The following ASIC2 variants were observed in gnomAD, a reference collection of about 807,000 sequenced individuals.
The protein encoded by ASIC2 is acid-sensing ion channel 2.
In ASIC2, 25 loss-of-function variants were observed where a neutral mutation model predicts 57.3. That is an observed-to-expected ratio of 0.44 (90% confidence interval 0.32 to 0.61). The LOEUF (loss-of-function observed/expected upper bound fraction) is 0.61, where lower values mean the gene tolerates loss of function less well. Ranked by LOEUF, ASIC2 falls within the 20% of genes least tolerant of loss-of-function variation. ASIC2 has a pLI of 0.06. For missense variants in ASIC2, 641 were observed against 738.1 expected, an observed-to-expected ratio of 0.87 and a Z score of 1.52; for synonymous variants, 319 against 307.5, an observed-to-expected ratio of 1.04 and a Z score of -0.39.
At chr17:33,363,866 T>G (rs1908706586) in intron 1 of ASIC2, among the ~76,000 whole-genome samples, 1 of 152,152 alleles carries the variant, frequency 6.6e-6, no homozygotes, top group South Asian at 2.1e-4. Context: ...ACTCCCTCCC[T>G]CCTCTCACCC....
intron 1 of ASIC2, among the ~76,000 whole-genome samples, chr17:33,585,565 G>C (rs1904596616): frequency 2.0e-5 from 3 of 152,198 alleles, no homozygotes; most frequent in Admixed American, 2.0e-4. Flanking sequence ...AGCAGGGAGA[G>C]TGAGGCACCT....
chr17:34,014,675 G>A (rs138168966), intron 1 of ASIC2, among the ~76,000 whole-genome samples: 4 of 152,242 alleles, frequency 2.6e-5, no homozygotes, highest in Non-Finnish European at 5.9e-5. Context: ...CTGCCAATCT[G>A]GTCCAGACCT....
chr17:33,710,243 G>C (rs1016785399), intron 1 of ASIC2, among the ~76,000 whole-genome samples: 1 of 152,090 alleles, frequency 6.6e-6, no homozygotes, highest in Non-Finnish European at 1.5e-5. Flanking sequence ...TCCCACCACA[G>C]GTAAAGAAGC....
At chr17:33,115,783 G>A (rs1206428823) in intron 1 of ASIC2, among the ~76,000 whole-genome samples, 1 of 152,212 alleles carries the variant, frequency 6.6e-6, no homozygotes, top group Non-Finnish European at 1.5e-5. Flanking sequence ...TTTGTTGGAT[G>A]TGTTTTCTAC....
intron 1 of ASIC2, among the ~76,000 whole-genome samples, chr17:33,361,604 C>T (rs931702316): frequency 2.0e-5 from 3 of 152,134 alleles, no homozygotes; most frequent in Non-Finnish European, 2.9e-5. Context: ...CCTATCTAAG[C>T]TTTATGATAA....
chr17:33,227,445 G>C (rs1271743587), intron 1 of ASIC2, among the ~76,000 whole-genome samples: 7 of 151,946 alleles, frequency 4.6e-5, no homozygotes, highest in African/African-American at 1.7e-4. Flanking sequence ...ATTTCCACAG[G>C]GATTTGCATT....
chr17:33,394,858 A>G (rs1910020264), intron 1 of ASIC2, among the ~76,000 whole-genome samples: 1 of 151,810 alleles, frequency 6.6e-6, no homozygotes, highest in Non-Finnish European at 1.5e-5. Flanking sequence ...CTAAATTTCT[A>G]CTCTCATTGA....
intron 1 of ASIC2, among the ~76,000 whole-genome samples, chr17:33,413,130 G>T (rs372424080): frequency 1.1e-4 from 17 of 152,180 alleles, no homozygotes; most frequent in African/African-American, 3.9e-4. Context: ...TTTCCCCCGA[G>T]ATGTGTTTCC....
intron 3 of ASIC2, among the ~76,000 whole-genome samples, chr17:33,073,126 G>A (rs1034422258): frequency 2.0e-5 from 3 of 152,178 alleles, no homozygotes; most frequent in African/African-American, 7.2e-5. Context: ...GGGAATAGCC[G>A]GGAGCAAAAT....
At chr17:34,001,643 G>A (rs79977637) in intron 1 of ASIC2, 3,796 of 152,412 alleles carry the variant, frequency 0.025, 66 homozygotes, top group East Asian at 0.065. Flanking sequence ...CTAATGCCAT[G>A]GTCCATGGCA....
intron 1 of ASIC2, among the ~76,000 whole-genome samples, chr17:33,821,480 G>A (rs1237719939): frequency 6.6e-6 from 1 of 152,090 alleles, no homozygotes; most frequent in Admixed American, 6.5e-5. Context: ...GCAGTGTCCA[G>A]AAAGGCCCTG....
intron 1 of ASIC2, among the ~76,000 whole-genome samples, chr17:33,236,791 A>G (rs144799676): frequency 6.6e-6 from 1 of 152,288 alleles, no homozygotes; most frequent in East Asian, 1.9e-4. Flanking sequence ...CCACGTGTCA[A>G]TGGAGGGAGA....
intron 3 of ASIC2, among the ~76,000 whole-genome samples, chr17:33,035,903 T>C (rs11869913): frequency 0.14 from 21,171 of 152,204 alleles, 1,887 homozygotes; most frequent in Admixed American, 0.23. Context: ...CTGGCAACCC[T>C]GAATACTGAT....
chr17:33,456,145 T>C lies in ASIC2; in HGVS notation c.556-344078A>G, dbSNP rs1455762305. 3.9e-5 allele frequency among the ~76,000 whole-genome samples: 6 copies of C among 152,238 alleles called. No homozygotes were observed. The South Asian group carries it at 6.2e-4, about 16-fold the overall frequency. ...CTTGAATTGATTTTTCTCCTCTGCC[T>C]CATCCATTACCTTGAAGGTTATTTT... On this transcript the variant is annotated intron_variant, in intron 1 of 9. Coordinates refer to the ASIC2 transcript ENST00000359872.
intron 1 of ASIC2, among the ~76,000 whole-genome samples, chr17:34,017,702 A>G (rs2142026322): frequency 6.6e-6 from 1 of 152,344 alleles, no homozygotes; most frequent in South Asian, 2.1e-4. Context: ...GGTGGTCTGG[A>G]TAGAAAATCA....
At chr17:33,760,478 A>G (rs1250721130) in intron 1 of ASIC2, among the ~76,000 whole-genome samples, 1 of 152,054 alleles carries the variant, frequency 6.6e-6, no homozygotes, top group Non-Finnish European at 1.5e-5. Flanking sequence ...GTGTATATAT[A>G]TAAAGCTCTC....
At chr17:33,497,897 C>T (rs1913986699) in intron 1 of ASIC2, among the ~76,000 whole-genome samples, 1 of 152,200 alleles carries the variant, frequency 6.6e-6, no homozygotes, top group Non-Finnish European at 1.5e-5. Flanking sequence ...CTCTTCCCCA[C>T]AAGCTCTGAA....
chr17:33,862,569 A>T (rs901693012), intron 1 of ASIC2, among the ~76,000 whole-genome samples: 7 of 152,222 alleles, frequency 4.6e-5, no homozygotes, highest in African/African-American at 1.4e-4. Context: ...TATTCCAGGT[A>T]AAATAGCTAG....
At chr17:34,070,928 T>C (rs1909375384) in intron 1 of ASIC2, 1 of 152,262 alleles carries the variant, frequency 6.6e-6, no homozygotes, top group Non-Finnish European at 1.5e-5. Flanking sequence ...TGATGATGGA[T>C]GAGTTGGGGA....
Sources: allele counts gnomAD v4.1 joint callset (sites outside exome capture counted in the v4.1 genomes callset), GRCh38; gene constraint gnomAD v4.1.1; transcripts MANE v1.5; gene names NCBI Gene and HGNC (gene_info 2026-07-23, HGNC 2026-07-21).